Variants in CADPS observed in about 807,000 individuals in gnomAD.
The protein encoded by CADPS is calcium-dependent secretion activator 1.
Under a neutral mutation model 167.3 loss-of-function variants are expected in CADPS, and 57 were observed. That is an observed-to-expected ratio of 0.34 (90% CI 0.28 to 0.42). The LOEUF (loss-of-function observed/expected upper bound fraction) is 0.42. Ranked by LOEUF, CADPS falls within the 20% of genes least tolerant of loss-of-function variation. The pLI, the probability that CADPS is intolerant of heterozygous loss-of-function variation, is 1.00. For synonymous variants in CADPS, 676 were observed against 635.3 expected (o/e 1.06, Z -0.96); for missense variants, 1,414 against 1,738.1 (o/e 0.81, Z 3.32).
At chr3:62,660,283 C>T (rs903767907) in intron 4 of CADPS, among the ~76,000 whole-genome samples, 6 of 152,092 alleles carry the variant, frequency 3.9e-5, no homozygotes, top group South Asian at 2.1e-4. Flanking sequence ...GGAATATACT[C>T]GTTGTCTAAA....
intron 8 of CADPS, among the ~76,000 whole-genome samples, chr3:62,573,152 G>A (rs1200797177): frequency 6.6e-6 from 1 of 152,152 alleles, no homozygotes; most frequent in Non-Finnish European, 1.5e-5. Context: ...AAAGTGCTGG[G>A]CTTACAGGCG....
chr3:62,607,837 T>C (rs547989928), intron 6 of CADPS, among the ~76,000 whole-genome samples: 3 of 152,178 alleles, frequency 2.0e-5, no homozygotes, highest in Non-Finnish European at 4.4e-5. Context: ...TTATTTTCTC[T>C]TTTCAACACT....
chr3:62,480,272 T>C (rs1042938859), intron 22 of CADPS, among the ~76,000 whole-genome samples: 1 of 152,214 alleles, frequency 6.6e-6, no homozygotes, highest in African/African-American at 2.4e-5. Flanking sequence ...TCATATCTTT[T>C]CAAAAACAGT....
At chr3:62,548,700 G>A (rs1046569017) in intron 11 of CADPS, among the ~76,000 whole-genome samples, 9 of 152,238 alleles carry the variant, frequency 5.9e-5, no homozygotes, top group African/African-American at 2.2e-4. Flanking sequence ...GAGAGATCGT[G>A]CAAGCACTGT....
chr3:62,647,431 C>A (rs867687729), intron 5 of CADPS, among the ~76,000 whole-genome samples: 3 of 152,150 alleles, frequency 2.0e-5, no homozygotes, highest in Admixed American at 6.5e-5. Context: ...GAGCCCAGGA[C>A]TTTCTTTTTC....
intron 7 of CADPS, among the ~76,000 whole-genome samples, chr3:62,587,932 C>T (rs921197556): frequency 2.0e-5 from 3 of 152,276 alleles, no homozygotes; most frequent in African/African-American, 7.2e-5. Context: ...CTTCTGGGTG[C>T]ACATGAATCC....
At chr3:62,482,683 T>C (rs2062181915) in intron 21 of CADPS, among the ~76,000 whole-genome samples, 1 of 152,208 alleles carries the variant, frequency 6.6e-6, no homozygotes, top group Non-Finnish European at 1.5e-5. Flanking sequence ...CTTCATATCA[T>C]AATAGTTACC....
chr3:62,668,789 GTGGGCTC>G (rs2150698646), intron 3 of CADPS, among the ~76,000 whole-genome samples: 1 of 152,278 alleles, frequency 6.6e-6, no homozygotes, highest in East Asian at 1.9e-4. Flanking sequence ...CAAATACAGA[GTGGGCTC>G]TGGGTAAATG....
At chr3:62,856,194 G>A (rs940964773) in intron 1 of CADPS, among the ~76,000 whole-genome samples, 6 of 152,118 alleles carry the variant, frequency 3.9e-5, no homozygotes, top group African/African-American at 4.8e-5. Context: ...CCCATGTTTT[G>A]CAGAGGGAAT....
At chr3:62,750,378 A>AAAG (rs2082434366) in intron 3 of CADPS, among the ~76,000 whole-genome samples, 1 of 148,618 alleles carries the variant, frequency 6.7e-6, no homozygotes. Context: ...AAAAAAAAAA[A>AAAG]GGTGAATTTG....
chr3:62,488,769 T>C (rs1315736814), intron 21 of CADPS, among the ~76,000 whole-genome samples: 2 of 152,066 alleles, frequency 1.3e-5, no homozygotes, highest in Non-Finnish European at 2.9e-5. Flanking sequence ...GGATTACAAG[T>C]GTGAACAACC....
chr3:62,486,784 G>A (rs755123893), intron 21 of CADPS, among the ~76,000 whole-genome samples: 3 of 152,224 alleles, frequency 2.0e-5, no homozygotes, highest in Non-Finnish European at 4.4e-5. Flanking sequence ...TGCTGTGACT[G>A]CTCCTGCAGA....
chr3:62,554,504 A>G (rs2077797263), intron 10 of CADPS, among the ~76,000 whole-genome samples: 1 of 152,094 alleles, frequency 6.6e-6, no homozygotes, highest in South Asian at 2.1e-4. Context: ...AAACCAAGAG[A>G]AAGAGGGAGA....
intron 1 of CADPS, among the ~76,000 whole-genome samples, chr3:62,790,237 T>C (rs552212727): frequency 1.4e-3 from 220 of 152,310 alleles, no homozygotes; most frequent in Non-Finnish European, 2.8e-3. Context: ...GAAGGCTACA[T>C]AATCACCAAC....
At chr3:62,695,357 G>A (rs954574719) in intron 3 of CADPS, among the ~76,000 whole-genome samples, 4 of 152,014 alleles carry the variant, frequency 2.6e-5, no homozygotes, top group Middle Eastern at 3.2e-3. Context: ...TTTTGAGATC[G>A]CTGACAGAGA....
intron 26 of CADPS, among the ~76,000 whole-genome samples, chr3:62,447,249 G>A (rs2057360291): frequency 6.6e-6 from 1 of 152,180 alleles, no homozygotes. Context: ...TTGGTGAAAT[G>A]AGAAAACGCA....
intron 3 of CADPS, among the ~76,000 whole-genome samples, chr3:62,677,146 T>C (rs1436838370): frequency 1.3e-5 from 2 of 152,056 alleles, no homozygotes; most frequent in Admixed American, 1.3e-4. Flanking sequence ...CAGTTTATTA[T>C]CAGAGAAGCA....
At chr3:62,761,171 G>C (rs145063750) in intron 2 of CADPS, among the ~76,000 whole-genome samples, 1 of 152,216 alleles carries the variant, frequency 6.6e-6, no homozygotes, top group East Asian at 1.9e-4. Context: ...TGTTTCTTCT[G>C]ATAACAACAA....
rs376339628 is a variant in CADPS, at chr3:62,412,821, C to A, written c.3778-9636G>T. Among the ~76,000 whole-genome samples the A allele has an allele frequency of 6.6e-6, 1 of 152,134 alleles. No homozygotes were observed. Among genetic ancestry groups the A allele is most frequent in the Non-Finnish European group, 1.5e-5 (1 of 68,042 alleles). On this transcript the variant is annotated intron_variant, in intron 28 of 29. Coordinates refer to ENST00000383710, the MANE Select transcript of CADPS (RefSeq NM_003716.4). The surrounding 1 kb of genome is among the most constrained non-coding windows in gnomAD (Gnocchi z 4.1). ...TAATCCAAAGCTTAGCTTATATGAA[C>A]TATCTAGGGGTCTCTCTCTGGAAGA...
Sources: allele counts gnomAD v4.1 joint callset (sites outside exome capture counted in the v4.1 genomes callset), GRCh38; gene constraint gnomAD v4.1.1; non-coding constraint Gnocchi (gnomAD v3.1); transcripts MANE v1.5; gene names NCBI Gene and HGNC (gene_info 2026-07-23, HGNC 2026-07-21).